The following VSX2 variants were observed in gnomAD, a reference collection of about 807,000 sequenced individuals.
VSX2 encodes ceh-10 homeo domain containing homolog.
VSX2 carries 28 observed loss-of-function variants against 32.1 expected under a neutral mutation model. The observed-to-expected ratio is 0.87, with a 90% CI of 0.65 to 1.20. VSX2 has a LOEUF of 1.20. Ranked by LOEUF, VSX2 falls within the 50% of genes most tolerant of loss-of-function variation. The pLI, the probability that VSX2 is intolerant of heterozygous loss-of-function variation, is 0.00. For missense variants in VSX2, 506 were observed against 488.7 expected (o/e 1.04, Z -0.33); for synonymous variants, 243 against 214.1 (o/e 1.14, Z -1.18).
At chr14:74,244,922 GTGTGTGTGAA>G (rs1488975305) in intron 2 of VSX2, among the ~76,000 whole-genome samples, 47 of 118,692 alleles carry the variant, frequency 4.0e-4, no homozygotes, top group African/African-American at 1.1e-3. Flanking sequence ...GTGTGTGTGT[GTGTGTGTGAA>G]AGAGAGAGAG....
chr14:74,245,309 T>TGAG, intron 3 of VSX2, 21 bp downstream of exon 3: 1 of 1,610,672 alleles, frequency 6.2e-7, no homozygotes, highest in Non-Finnish European at 8.5e-7. Context: ...TGAGCCCCTC[T>TGAG]CCCCTCCACT....
At position 74,255,033 on chromosome 14, in the gene VSX2, G is replaced by T. The variant is rs193064305; in HGVS notation, c.580-4569G>T. Among the ~76,000 whole-genome samples the T allele has an allele frequency of 6.6e-4, 101 of 152,078 alleles. 1 individual carries two copies. Among genetic ancestry groups the T allele is most frequent in the Admixed American group, 6.5e-3 (100 of 15,272 alleles). On this transcript the variant is annotated intron_variant, in intron 3 of 4. Transcript: ENST00000261980. ...CTGACCTTGTGATCCACCCACCTCG[G>T]CCTCCCAAAGTGCTGGGATTACAGG...
rs1390552086 is a variant in VSX2, at chr14:74,260,891, GT to G, written c.1059del (p.Pro354HisfsTer75). ...GAAGACAGGCCGGCGGAGAGGCTCA[GT>G]CCACCGCAGCTGGAGGACATGGCTT... Reference protein sequence around the residue: ...MDEDRPAERLSPPQLEDMA With the variant: ...MDEDRPAERLXPPQLEDMA On this transcript the variant is annotated frameshift_variant, in exon 5 of 5. Coordinates refer to ENST00000261980, the MANE Select transcript of VSX2 (RefSeq NM_182894.3). LOFTEE classifies it high-confidence loss of function. The G allele has an allele frequency of 4.5e-6, 7 of 1,563,268 alleles. No individual in the cohort carries two copies. In the Admixed American group the frequency reaches 5.7e-5, roughly 13 times the overall value.
chr14:74,241,050 C>T, intron 1 of VSX2, 132 bp from the exon 2 acceptor site: 1 of 895,850 alleles, frequency 1.1e-6, no homozygotes, highest in Non-Finnish European at 1.8e-6. Flanking sequence ...CCGGGGCGCC[C>T]GCAGGCTTCC....
chr14:74,254,990 C>A (rs1183053129), intron 3 of VSX2, among the ~76,000 whole-genome samples: 2 of 151,934 alleles, frequency 1.3e-5, no homozygotes, highest in African/African-American at 4.8e-5. Context: ...CCGTGTTAGC[C>A]AGGATGGTCT....
intron 3 of VSX2, among the ~76,000 whole-genome samples, chr14:74,256,736 C>A (rs181819133): frequency 1.1e-4 from 16 of 145,286 alleles, no homozygotes; most frequent in Admixed American, 2.8e-4. Context: ...TGCAGTGGCA[C>A]GATCTCGGCT....
rs2079147744 is a variant in VSX2 at position 74,241,198 on chromosome 14, C to T, written c.387C>T (p.Ser129=). The T allele has an allele frequency of 1.2e-6, 2 of 1,613,468 alleles. No individual in the cohort carries two copies. Among genetic ancestry groups the T allele is most frequent in the Non-Finnish European group, 1.7e-6 (2 of 1,179,992 alleles). Residue 129 remains serine, a synonymous_variant, in exon 2 of 5, where the codon TCC becomes TCT. Transcript: ENST00000261980. ...GCTTTTCAGATTCTGAAGATGTTTC[C>T]TCCAGCGATCGAAAAATGTCCAAAT... is the stretch of plus-strand genomic sequence containing the variant. The part of the protein sequence containing the change: ...QTASSDSEDV[S]SSDRKMSKSA...
rs777797027 is a variant in VSX2 at position 74,259,722 on chromosome 14, G to A, written c.700G>A (p.Glu234Lys). 5 of 1,613,562 alleles carry A rather than the reference G, an allele frequency of 3.1e-6. No individual in the cohort carries two copies. The highest frequency in any genetic ancestry group is 2.2e-5 in the South Asian group (2 of 91,042). The change falls in exon 4 of 5, where the codon GAG (glutamate) becomes AAG (lysine). Residue 234 changes from glutamate to lysine, a missense_variant. Glu to Lys is a moderately conservative substitution (Grantham distance 56, BLOSUM62 1). Coordinates refer to ENST00000261980, the MANE Select transcript of VSX2 (RefSeq NM_182894.3). ...AMVRHSIPLP[E>K]SILKSAKDGI... is the part of the protein sequence containing the mutation. Reference sequence around the variant, plus strand: ...GGTGCGGCACTCCATCCCCCTGCCCGAGTCCATCCTCAAGTCAGCCAAGGA... The same window carrying A: ...GGTGCGGCACTCCATCCCCCTGCCCAAGTCCATCCTCAAGTCAGCCAAGGA...
At chr14:74,260,290 C>G (rs2079296138) in intron 4 of VSX2, among the ~76,000 whole-genome samples, 1 of 152,180 alleles carries the variant, frequency 6.6e-6, no homozygotes, top group Non-Finnish European at 1.5e-5. Context: ...TCTTGGGGTT[C>G]TAAGATCCGG....
chr14:74,248,996 T>C (rs78222329), intron 3 of VSX2, among the ~76,000 whole-genome samples: 1,781 of 152,258 alleles, frequency 0.012, 50 homozygotes, highest in African/African-American at 0.041. Flanking sequence ...CATACACCCC[T>C]GCTGGGCCAA....
chr14:74,253,558 C>A (rs114482743), intron 3 of VSX2, among the ~76,000 whole-genome samples: 2 of 152,338 alleles, frequency 1.3e-5, no homozygotes, highest in South Asian at 4.1e-4. Flanking sequence ...ATTTCCCACA[C>A]GCTGTTTAAT....
chr14:74,254,726 A>G (rs1354899396), intron 3 of VSX2, among the ~76,000 whole-genome samples: 1 of 150,962 alleles, frequency 6.6e-6, no homozygotes, highest in Non-Finnish European at 1.5e-5. Flanking sequence ...TGTATGACAA[A>G]CACTGATTTT....
chr14:74,245,105 T>C, intron 2 of VSX2, 60 bp from the exon 3 acceptor site: 3 of 1,609,652 alleles, frequency 1.9e-6, no homozygotes, highest in South Asian at 2.2e-5. Context: ...GGTTCTGTCT[T>C]GTCTGAGACA....
In VSX2 at chr14:74,259,628, G is replaced by C; in HGVS notation, c.606G>C (p.Lys202Asn). ...TCTGGTTCCAGAACCGTCGAGCCAA[G>C]TGGAGGAAGCGGGAGAAGTGCTGGG... ...IQVWFQNRRA[K>N]WRKREKCWGR... is the part of the protein sequence containing the mutation. Residue 202 changes from lysine (K) to asparagine (N), a missense_variant, in exon 4 of 5, where the codon AAG (lysine) becomes AAC (asparagine). Physicochemically the swap from Lys to Asn is moderately conservative, Grantham distance 94. Transcript: ENST00000261980. The C allele has an allele frequency of 6.2e-7, 1 of 1,614,206 alleles. No homozygotes were observed.
At position 74,259,672 on chromosome 14, in the gene VSX2, C is replaced by T. The variant is rs886042716; in HGVS notation, c.650C>T (p.Ala217Val). ...EKCWGRSSVM[A>V]EYGLYGAMVR... ...TGCTGGGGCCGGAGCAGTGTCATGG[C>T]GGAGTATGGGCTCTACGGGGCCATG... is the stretch of plus-strand genomic sequence containing the variant. The change falls in exon 4 of 5, where the codon GCG becomes GTG. Residue 217 changes from alanine (A) to valine (V), a missense_variant. Ala to Val is a moderately conservative substitution (Grantham distance 64). Coordinates refer to ENST00000261980, the MANE Select transcript of VSX2 (RefSeq NM_182894.3). 6 of 1,614,032 alleles carry T rather than the reference C, an allele frequency of 3.7e-6. No individual in the cohort carries two copies. The highest frequency in any genetic ancestry group is 1.7e-5 in the Admixed American group (1 of 60,008).
Position 74,260,797 on chromosome 14 carries a change from G to A in VSX2, c.964G>A (p.Gly322Arg). The change falls in exon 5 of 5, where the codon GGG becomes AGG. Residue 322 changes from glycine (G) to arginine (R), a missense_variant. Transcript: ENST00000261980. ...KAQEHSTKVL[G>R]TVSGPDSLAR... Reference sequence around the variant, plus strand: ...TCAGGAGCACAGCACCAAAGTGCTGGGGACTGTGTCTGGGCCGGACAGCCT... The same window carrying A: ...TCAGGAGCACAGCACCAAAGTGCTGAGGACTGTGTCTGGGCCGGACAGCCT... 1 of 1,574,288 alleles carries A rather than the reference G, an allele frequency of 6.4e-7. No homozygotes were observed. Among genetic ancestry groups the A allele is most frequent in the Non-Finnish European group, 8.6e-7 (1 of 1,159,972 alleles).
At chr14:74,244,143 A>T (rs1284508073) in intron 2 of VSX2, among the ~76,000 whole-genome samples, 3 of 152,184 alleles carry the variant, frequency 2.0e-5, no homozygotes, top group Non-Finnish European at 1.5e-5. Context: ...TTGGAGGCAA[A>T]ATTTTACAAA....
chr14:74,247,389 G>A (rs149278718), intron 3 of VSX2, among the ~76,000 whole-genome samples: 2,555 of 152,288 alleles, frequency 0.017, 79 homozygotes, highest in Admixed American at 0.085. Context: ...GAGCCTCTCA[G>A]TCTTCATCTG....
At chr14:74,254,797 T>TTTTTTTTTA (rs59140763) in intron 3 of VSX2, among the ~76,000 whole-genome samples, 4 of 147,962 alleles carry the variant, frequency 2.7e-5, no homozygotes, top group African/African-American at 1.0e-4. Flanking sequence ...TTTTTTTTTT[T>TTTTTTTTTA]GAGACGCAGT....
Sources: gnomAD v4.1 joint callset for allele counts (sites outside exome capture counted in the v4.1 genomes callset) on GRCh38, gnomAD v4.1.1 for gene constraint, MANE v1.5 for transcripts, NCBI Gene and HGNC (gene_info 2026-07-23, HGNC 2026-07-21) for gene names.